The following PSD3 variants were observed in gnomAD, a reference collection of about 807,000 sequenced individuals.
PSD3 encodes the protein PH and SEC7 domain-containing protein 3.
In PSD3, 49 loss-of-function variants were observed where a neutral mutation model predicts 105.5. The observed-to-expected ratio is 0.46, with a 90% confidence interval of 0.37 to 0.59. The LOEUF is 0.59. Among genes scored for constraint, PSD3 ranks in the 20% least tolerant of loss-of-function variants. PSD3 has a pLI of 0.00. For synonymous variants in PSD3, 557 were observed against 457.8 expected, an observed-to-expected ratio of 1.22 and a Z score of -2.77; for missense variants, 1,561 against 1,263.8, an observed-to-expected ratio of 1.24 and a Z score of -3.57.
At chr8:19,082,552 G>A (rs1024300101) in intron 1 of PSD3, among the ~76,000 whole-genome samples, 1 of 152,166 alleles carries the variant, frequency 6.6e-6, no homozygotes, top group African/African-American at 2.4e-5. Context: ...CTTAGACCGA[G>A]CAGATGTCGG....
At chr8:18,717,917 G>C (rs371811467) in intron 9 of PSD3, among the ~76,000 whole-genome samples, 20 of 152,278 alleles carry the variant, frequency 1.3e-4, no homozygotes, top group African/African-American at 4.3e-4. Context: ...ATGCTCCATA[G>C]GATTAGACTA....
chr8:18,642,357 T>C (rs1807711128), intron 10 of PSD3, among the ~76,000 whole-genome samples: 1 of 152,164 alleles, frequency 6.6e-6, no homozygotes, highest in South Asian at 2.1e-4. Context: ...GTATAAATTA[T>C]AATGTACGAG....
intron 12 of PSD3, among the ~76,000 whole-genome samples, chr8:18,593,624 G>C (rs1803777823): frequency 6.6e-6 from 1 of 152,044 alleles, no homozygotes; most frequent in South Asian, 2.1e-4. Flanking sequence ...CCATTACTGG[G>C]TATATACCCA....
intron 1 of PSD3, among the ~76,000 whole-genome samples, chr8:18,954,009 G>C (rs1279782031): frequency 1.3e-5 from 2 of 152,044 alleles, no homozygotes; most frequent in African/African-American, 4.8e-5. Context: ...GTGACACAGG[G>C]CTCTGAGCAA....
intron 8 of PSD3, among the ~76,000 whole-genome samples, chr8:18,771,137 G>A (rs1450290792): frequency 6.6e-6 from 1 of 152,168 alleles, no homozygotes; most frequent in Non-Finnish European, 1.5e-5. Flanking sequence ...TGCTGGCTGA[G>A]GCTGGGGCTT....
At chr8:18,742,460 G>A (rs909117954) in intron 9 of PSD3, among the ~76,000 whole-genome samples, 1 of 152,042 alleles carries the variant, frequency 6.6e-6, no homozygotes, top group Non-Finnish European at 1.5e-5. Context: ...CTTTATAATC[G>A]TGAAACAAAC....
chr8:18,629,264 G>A (rs1388032079), intron 11 of PSD3, among the ~76,000 whole-genome samples: 1 of 151,928 alleles, frequency 6.6e-6, no homozygotes, highest in Non-Finnish European at 1.5e-5. Context: ...TATAAGGGAT[G>A]CAAAATGATA....
At chr8:18,981,869 T>C (rs1189913091) in intron 1 of PSD3, among the ~76,000 whole-genome samples, 1 of 152,230 alleles carries the variant, frequency 6.6e-6, no homozygotes, top group Non-Finnish European at 1.5e-5. Flanking sequence ...TCATTACTGA[T>C]GGCTGCTGAC....
chr8:18,657,616 A>G (rs557755733), intron 9 of PSD3, among the ~76,000 whole-genome samples: 6 of 152,264 alleles, frequency 3.9e-5, no homozygotes, highest in African/African-American at 1.4e-4. Flanking sequence ...TCTATGATAT[A>G]GTTAATGTAT....
At chr8:18,781,913 T>G (rs1023258005) in intron 8 of PSD3, among the ~76,000 whole-genome samples, 3 of 152,148 alleles carry the variant, frequency 2.0e-5, no homozygotes, top group Non-Finnish European at 2.9e-5. Context: ...TCTGCTCAGG[T>G]TATTTCAAAA....
At chr8:18,815,219 G>C (rs532246145) in intron 4 of PSD3, among the ~76,000 whole-genome samples, 1 of 152,220 alleles carries the variant, frequency 6.6e-6, no homozygotes, top group South Asian at 2.1e-4. Context: ...GGATACAAGA[G>C]GCTGAACAAA....
chr8:18,777,696 T>A (rs901157558), intron 8 of PSD3, among the ~76,000 whole-genome samples: 6 of 152,230 alleles, frequency 3.9e-5, no homozygotes, highest in African/African-American at 1.4e-4. Flanking sequence ...TCCAGCTATT[T>A]TGAAATATTC....
intron 2 of PSD3, among the ~76,000 whole-genome samples, chr8:18,909,112 C>A (rs958285417): frequency 1.3e-5 from 2 of 152,188 alleles, no homozygotes; most frequent in Non-Finnish European, 2.9e-5. Context: ...ATTTAGCAAT[C>A]ATCATCAAAA....
At chr8:18,860,778 G>T (rs1014792699) in intron 4 of PSD3, among the ~76,000 whole-genome samples, 1 of 152,122 alleles carries the variant, frequency 6.6e-6, no homozygotes, top group African/African-American at 2.4e-5. Context: ...GTTAAATATT[G>T]TACTGATATA....
intron 9 of PSD3, chr8:18,684,250 A>ACACACCCC (rs1160606988): frequency 2.9e-5 from 5 of 170,408 alleles, no homozygotes; most frequent in Admixed American, 1.4e-4. Context: ...ACACACACAC[A>ACACACCCC]CCCCATCATA....
intron 15 of PSD3, among the ~76,000 whole-genome samples, chr8:18,552,361 A>G (rs1800816901): frequency 1.3e-5 from 2 of 152,212 alleles, no homozygotes; most frequent in Non-Finnish European, 2.9e-5. Flanking sequence ...CAGGAAAAAT[A>G]TCTTGAAATA....
chr8:18,702,093 A>T (rs186326045), intron 9 of PSD3, among the ~76,000 whole-genome samples: 1 of 152,230 alleles, frequency 6.6e-6, no homozygotes, highest in Non-Finnish European at 1.5e-5. Flanking sequence ...GTGACTTCAG[A>T]TACTCCGACT....
At position 18,652,026 on chromosome 8, in the gene PSD3, C is replaced by T. The variant is rs935928786; in HGVS notation, c.2216+3616G>A. Among the ~76,000 whole-genome samples, 3 of 152,086 alleles carry T rather than the reference C, an allele frequency of 2.0e-5. No individual in the cohort carries two copies. The South Asian group carries it at 6.2e-4, about 32-fold the overall frequency. ...ATGGCAGGAGTGAAGAGGAAAGATG[C>T]TGTTTGGAGCCATTTCTGCAGGGGT... On this transcript the variant is annotated intron_variant, in intron 10 of 15. Transcript: ENST00000327040.
intron 1 of PSD3, among the ~76,000 whole-genome samples, chr8:19,043,613 G>A (rs79682583): frequency 0.044 from 6,670 of 152,290 alleles, 205 homozygotes; most frequent in East Asian, 0.13. Flanking sequence ...TTAAATTGCC[G>A]ATGGAATGGT....
Sources: allele counts gnomAD v4.1 joint callset (sites outside exome capture counted in the v4.1 genomes callset), GRCh38; gene constraint gnomAD v4.1.1; transcripts MANE v1.5; gene names NCBI Gene and HGNC (gene_info 2026-07-23, HGNC 2026-07-21).